Variants in ITIH3 observed in about 807,000 individuals in gnomAD.
ITIH3 encodes inter-alpha-trypsin inhibitor heavy chain 3.
A neutral mutation model predicts 96.5 loss-of-function variants in ITIH3; 81 were observed. The observed-to-expected ratio is 0.84, with a 90% CI of 0.70 to 1.01. The LOEUF (loss-of-function observed/expected upper bound fraction) is 1.01. Among genes scored for constraint, ITIH3 ranks in the 50% least tolerant of loss-of-function variants. The probability of loss-of-function intolerance (pLI) is 0.00; values close to 1 mark genes in which losing one functional copy is unlikely to be tolerated. For missense variants in ITIH3, 1,057 were observed against 1,139.3 expected, an observed-to-expected ratio of 0.93 and a Z score of 1.04; for synonymous variants, 422 against 445.2, an observed-to-expected ratio of 0.95 and a Z score of 0.66.
In ITIH3 at chr3:52,797,154, G is replaced by T; in HGVS notation, c.436G>T (p.Ala146Ser). ...GTTCACAGTCTCGGTCAACGTGGCT[G>T]CAGGCAGCAAAGTCACCTTCGAGCT... The part of the protein sequence containing the change: ...EKFTVSVNVA[A>S]GSKVTFELTY... The change falls in exon 5 of 22, where the codon GCA (alanine) becomes TCA (serine). Residue 146 changes from alanine (A) to serine (S), a missense_variant. Ala to Ser is a moderately conservative substitution (Grantham distance 99). Transcript: ENST00000449956. 6.2e-7 allele frequency: 1 copy of T among 1,609,712 alleles called. No homozygotes were observed. The highest frequency in any genetic ancestry group is 8.5e-7 in the Non-Finnish European group (1 of 1,178,294).
chr3:52,807,192 G>A (rs775577879), intron 19 of ITIH3, 87 bp downstream of exon 19: 7 of 1,124,014 alleles, frequency 6.2e-6, no homozygotes, highest in Non-Finnish European at 6.4e-6. Flanking sequence ...TCCCAGGACA[G>A]GAGATCCATG....
rs1700127252 is a variant in ITIH3, at chr3:52,808,224, G to A, written c.2543+3G>A. 1 of 1,611,038 alleles carries A rather than the reference G, an allele frequency of 6.2e-7. No homozygotes were observed. Among genetic ancestry groups the A allele is most frequent in the Admixed American group, 1.7e-5 (1 of 60,010 alleles). On this transcript the variant is annotated splice_donor_region_variant and intron_variant, in intron 21 of 21. Coordinates refer to ENST00000449956, the MANE Select transcript of ITIH3 (RefSeq NM_002217.4). ...AACCATCAGCTGATTGTCACCAGGT[G>A]AGGAGACTTCTCCCACACCCTCACC...
At position 52,798,984 on chromosome 3, in the gene ITIH3, C is replaced by A. The variant is rs755842337; in HGVS notation, c.682C>A (p.Pro228Thr). ...SGKKGHVSFK[P>T]SLDQQRSCPT... The stretch of plus-strand genomic sequence containing the variant: ...CCCTTAGGGCCATGTGTCCTTCAAG[C>A]CCAGCTTAGACCAACAGCGTTCATG... The change falls in exon 7 of 22, where the codon CCC becomes ACC. Residue 228 changes from proline to threonine, a missense_variant. Transcript: ENST00000449956. 3 of 1,613,428 alleles carry A rather than the reference C, an allele frequency of 1.9e-6. No homozygotes were observed. The highest frequency in any genetic ancestry group is 1.1e-5 in the South Asian group (1 of 90,858).
chr3:52,798,262 C>T (rs1256521491), intron 6 of ITIH3, among the ~76,000 whole-genome samples: 1 of 152,188 alleles, frequency 6.6e-6, no homozygotes, highest in Non-Finnish European at 1.5e-5. Flanking sequence ...TCTACTGACT[C>T]CACAATGAGA....
At position 52,803,905 on chromosome 3, in the gene ITIH3, ACCTGTC is replaced by A. The variant is rs1385427387; in HGVS notation, c.1764_1769del (p.Ser589_Leu590del). ...GAGAACCTCACGGCCCGGGCCCTGG[ACCTGTC>A]CCTCAAGTATCACTTTGTGACTCCA... On this transcript the variant is annotated inframe_deletion, in exon 14 of 22. Transcript: ENST00000449956. The A allele has an allele frequency of 1.2e-6, 2 of 1,613,970 alleles. No individual in the cohort carries two copies. Among genetic ancestry groups the A allele is most frequent in the Non-Finnish European group, 1.7e-6 (2 of 1,179,868 alleles).
intron 1 of ITIH3, 114 bp from the exon 2 acceptor site, chr3:52,795,489 G>A: frequency 8.9e-7 from 1 of 1,118,388 alleles, no homozygotes; most frequent in South Asian, 1.5e-5. Context: ...TCAGGTGTGT[G>A]GGGGGCAGGG....
intron 1 of ITIH3, 97 bp from the exon 2 acceptor site, chr3:52,795,506 T>G (rs1447821264): frequency 1.3e-5 from 18 of 1,359,740 alleles, no homozygotes; most frequent in Non-Finnish European, 1.8e-5. Flanking sequence ...AGGGCACCAC[T>G]GAACCCCTGG....
In ITIH3 at chr3:52,808,753, G is replaced by C. The variant is rs1700145824; in HGVS notation, c.*72G>C. On this transcript the variant is annotated 3_prime_UTR_variant, in exon 22 of 22. Coordinates refer to ENST00000449956, the MANE Select transcript of ITIH3 (RefSeq NM_002217.4). ...CATCTGGAACATGGGCACAGAGAGG[G>C]GCCTGTGGGAGGGGCTGGGAAAATA... is the stretch of plus-strand genomic sequence containing the variant. The C allele has an allele frequency of 6.4e-7, 1 of 1,562,730 alleles. No individual in the cohort carries two copies. The highest frequency in any genetic ancestry group is 1.3e-5 in the African/African-American group (1 of 74,122).
intron 9 of ITIH3, among the ~76,000 whole-genome samples, chr3:52,800,185 C>T (rs1454735641): frequency 6.6e-6 from 1 of 152,204 alleles, no homozygotes; most frequent in Non-Finnish European, 1.5e-5. Context: ...CACAGAGAAC[C>T]CTTCTTCTTG....
Position 52,806,103 on chromosome 3 carries a change from C to T in ITIH3, c.1907C>T (p.Thr636Ile). The change falls in exon 17 of 22, where the codon ACC becomes ATC. Residue 636 changes from threonine (T) to isoleucine (I), a missense_variant and splice_region_variant. Physicochemically the swap from Thr to Ile is moderately conservative, Grantham distance 89. Coordinates refer to ENST00000449956, the MANE Select transcript of ITIH3 (RefSeq NM_002217.4). ...TPVSPAMSYL[T>I]SYQPPQNPYY... ...GCCCTCTCTCCCTTTGTATCTGCAG[C>T]CAGCTACCAGCCTCCTCAAAACCCC... 6.3e-7 allele frequency: 1 copy of T among 1,599,204 alleles called. No homozygotes were observed. The highest frequency in any genetic ancestry group is 8.5e-7 in the Non-Finnish European group (1 of 1,172,736).
chr3:52,802,631 C>T, intron 12 of ITIH3, 36 bp from the exon 13 acceptor site: 1 of 1,613,480 alleles, frequency 6.2e-7, no homozygotes, highest in Non-Finnish European at 8.5e-7. Context: ...TCCACCCAAG[C>T]CTCCAGCCCC....
At chr3:52,805,149 A>T in intron 15 of ITIH3, 1 of 282,970 alleles carries the variant, frequency 3.5e-6, no homozygotes, top group Non-Finnish European at 5.7e-6. Context: ...CCAAGCTGGT[A>T]CTTAGGCCAA....
chr3:52,805,570 C>A, intron 15 of ITIH3: 1 of 1,339,506 alleles, frequency 7.5e-7, no homozygotes, highest in Non-Finnish European at 9.6e-7. Context: ...TGCATTTCAG[C>A]CACATCAAAA....
intron 13 of ITIH3, 74 bp downstream of exon 13, chr3:52,802,880 TC>T: frequency 6.5e-7 from 1 of 1,534,180 alleles, no homozygotes; most frequent in Middle Eastern, 1.9e-4. Flanking sequence ...CCATACGCAG[TC>T]CCAGCGGTCC....
At chr3:52,797,603 C>G (rs1035335217) in intron 5 of ITIH3, among the ~76,000 whole-genome samples, 1 of 152,184 alleles carries the variant, frequency 6.6e-6, no homozygotes, top group East Asian at 1.9e-4. Context: ...GAATTTCGGG[C>G]GCATATGGCA....
At chr3:52,807,631 G>C in intron 19 of ITIH3, 116 bp from the exon 20 acceptor site, 1 of 902,086 alleles carries the variant, frequency 1.1e-6, no homozygotes. Flanking sequence ...AGTTTCTGGA[G>C]TCTGTGGGCC....
chr3:52,796,348 G>C, intron 2 of ITIH3, 133 bp from the exon 3 acceptor site: 1 of 709,934 alleles, frequency 1.4e-6, no homozygotes, highest in South Asian at 1.9e-5. Flanking sequence ...CAGTGTAGAA[G>C]ACCTGGAGGA....
At chr3:52,802,116 C>G in intron 11 of ITIH3, 1 of 473,584 alleles carries the variant, frequency 2.1e-6, no homozygotes, top group Non-Finnish European at 3.7e-6. Context: ...ATAGGAAATA[C>G]TTCTGAAACT....
chr3:52,801,177 A>G, intron 11 of ITIH3, 31 bp downstream of exon 11: 8 of 1,509,242 alleles, frequency 5.3e-6, no homozygotes, highest in Non-Finnish European at 7.1e-6. Context: ...TTCCGGGCAT[A>G]AGGAGCTCAC....
Sources: allele counts gnomAD v4.1 joint callset (sites outside exome capture counted in the v4.1 genomes callset), GRCh38; gene constraint gnomAD v4.1.1; transcripts MANE v1.5; gene names NCBI Gene and HGNC (gene_info 2026-07-23, HGNC 2026-07-21).